Variants in PCGF5 observed in about 807,000 individuals in gnomAD.
PCGF5 encodes polycomb group RING finger protein 5.
Under a neutral mutation model 44.3 loss-of-function variants are expected in PCGF5, and 9 were observed. That is an observed-to-expected ratio of 0.20 (90% CI 0.12 to 0.35). The LOEUF is 0.35. Ranked by LOEUF, PCGF5 falls within the 10% of genes least tolerant of loss-of-function variation. The pLI is 1.00. For missense variants in PCGF5, 146 were observed against 305.3 expected, an observed-to-expected ratio of 0.48 and a Z score of 3.89; for synonymous variants, 95 against 102.5, an observed-to-expected ratio of 0.93 and a Z score of 0.44.
chr10:91,211,832 A>C (rs1037555900), intron 1 of PCGF5, among the ~76,000 whole-genome samples: 2 of 152,160 alleles, frequency 1.3e-5, no homozygotes, highest in South Asian at 2.1e-4. Context: ...TCTTGGAAAG[A>C]GTGGAGACAA....
chr10:91,250,614 A>C (rs889867968), intron 5 of PCGF5, among the ~76,000 whole-genome samples: 14 of 151,418 alleles, frequency 9.2e-5, no homozygotes, highest in Non-Finnish European at 1.8e-4. Flanking sequence ...ATGTGTATCC[A>C]ACATATAGTT....
chr10:91,197,333 A>G (rs1589363894), intron 1 of PCGF5, among the ~76,000 whole-genome samples: 2 of 152,140 alleles, frequency 1.3e-5, no homozygotes, highest in East Asian at 3.9e-4. Context: ...CCCTCTCTCT[A>G]TGTGACTGCT....
intron 6 of PCGF5, among the ~76,000 whole-genome samples, chr10:91,260,752 T>C (rs1404745995): frequency 1.4e-5 from 2 of 141,416 alleles, no homozygotes; most frequent in African/African-American, 5.3e-5. Context: ...TAGGTGGGAA[T>C]TGAACAATGA....
intron 1 of PCGF5, among the ~76,000 whole-genome samples, chr10:91,189,595 T>C (rs2133209632): frequency 1.3e-5 from 2 of 152,346 alleles, no homozygotes; most frequent in South Asian, 4.1e-4. Context: ...GATAAGATCT[T>C]TCCATATATA....
At chr10:91,180,092 T>C (rs1262035366) in intron 1 of PCGF5, among the ~76,000 whole-genome samples, 1 of 152,240 alleles carries the variant, frequency 6.6e-6, no homozygotes, top group Non-Finnish European at 1.5e-5. Context: ...ATTTCTCTAA[T>C]GATCAGTGAT....
chr10:91,182,112 G>A lies in PCGF5; in HGVS notation c.-184+19031G>A, dbSNP rs151337116. 1.6e-4 allele frequency among the ~76,000 whole-genome samples: 25 copies of A among 152,164 alleles called. No homozygotes were observed. In the East Asian group the frequency reaches 4.6e-3, roughly 28 times the overall value. On this transcript the variant is annotated intron_variant, in intron 1 of 9. Coordinates refer to the PCGF5 transcript ENST00000614189. ...TTATAATATTCGCTGATGGTTGTTT[G>A]TATTTCTGTGAGGTCAGCGGTAATG... is the stretch of plus-strand genomic sequence containing the variant.
In PCGF5 at chr10:91,280,297, TAA is replaced by T. The variant is rs916782548; in HGVS notation, c.*1982_*1983del. ...GAATTTTAATTAACTCAAAATGAATTAAGAGTGCATTTTAAAAATCACAAGTG... is the reference window on the plus strand; with the variant it reads ...GAATTTTAATTAACTCAAAATGAATTGAGTGCATTTTAAAAATCACAAGTG... On this transcript the variant is annotated 3_prime_UTR_variant, in exon 10 of 10. Coordinates refer to ENST00000336126, the MANE Select transcript of PCGF5 (RefSeq NM_032373.5). The T allele has an allele frequency of 5.3e-5, 8 of 152,048 alleles. No homozygotes were observed. Among genetic ancestry groups the T allele is most frequent in the African/African-American group, 1.4e-4 (6 of 41,444 alleles). The allele number at this position is 152,048 out of a possible 1,614,324, so 9.4% of individuals were successfully genotyped here.
intron 3 of PCGF5, among the ~76,000 whole-genome samples, chr10:91,241,042 CAT>C (rs59977249): frequency 5.4e-5 from 8 of 147,766 alleles, no homozygotes; most frequent in South Asian, 2.1e-4. Flanking sequence ...GCAGTATAAT[CAT>C]ATATATATAT....
chr10:91,181,530 TC>T (rs1227213640), intron 1 of PCGF5, among the ~76,000 whole-genome samples: 1 of 152,192 alleles, frequency 6.6e-6, no homozygotes, highest in East Asian at 1.9e-4. Flanking sequence ...TGAGGTATGT[TC>T]CTTCAATACC....
intron 7 of PCGF5, among the ~76,000 whole-genome samples, 185 bp downstream of exon 7, chr10:91,261,609 A>G (rs1317874405): frequency 2.0e-5 from 3 of 152,224 alleles, no homozygotes; most frequent in African/African-American, 7.2e-5. Context: ...CTCTAATTGA[A>G]CATATCCTGA....
intron 5 of PCGF5, among the ~76,000 whole-genome samples, chr10:91,249,531 C>T (rs1351067815): frequency 6.6e-6 from 1 of 150,990 alleles, no homozygotes; most frequent in African/African-American, 2.4e-5. Flanking sequence ...TAAAGTTATT[C>T]AAGAATGTGT....
intron 3 of PCGF5, 66 bp from the exon 4 acceptor site, chr10:91,248,439 A>G (rs375740021): frequency 9.0e-5 from 123 of 1,365,728 alleles, no homozygotes; most frequent in Non-Finnish European, 1.1e-4. Context: ...TATACATCTC[A>G]GACTATTTAC....
rs1176443876 is a variant in PCGF5, at chr10:91,282,515, C to T, written c.*4199C>T. ...AAATTCAACTCTTGGTCTTGTTTCT[C>T]AGCACTTAGTTTATTGTTATTAGAA... is the stretch of plus-strand genomic sequence containing the variant. On this transcript the variant is annotated 3_prime_UTR_variant, in exon 10 of 10. Transcript: ENST00000336126. 6.6e-6 allele frequency: 1 copy of T among 152,590 alleles called. No individual in the cohort carries two copies. The highest frequency in any genetic ancestry group is 1.5e-5 in the Non-Finnish European group (1 of 68,048). The allele number at this position is 152,590 out of a possible 1,614,324, so 9.5% of individuals were successfully genotyped here. A position where few individuals can be genotyped will look rare whatever the true frequency, so the allele number is the denominator to read the frequency against.
intron 6 of PCGF5, among the ~76,000 whole-genome samples, chr10:91,257,408 GT>G (rs1207064399): frequency 6.6e-6 from 1 of 152,120 alleles, no homozygotes; most frequent in African/African-American, 2.4e-5. Context: ...TCCTCAAAGA[GT>G]TGACGTGGTA....
intron 3 of PCGF5, among the ~76,000 whole-genome samples, chr10:91,243,442 C>CAA (rs1405540168): frequency 6.6e-6 from 1 of 152,110 alleles, no homozygotes; most frequent in East Asian, 1.9e-4. Context: ...ACACATGTAG[C>CAA]AAAAAATTTA....
At chr10:91,265,363 G>A (rs1012443102) in intron 8 of PCGF5, among the ~76,000 whole-genome samples, 1 of 152,096 alleles carries the variant, frequency 6.6e-6, no homozygotes, top group African/African-American at 2.4e-5. Flanking sequence ...TAATCTGAGT[G>A]CATAAATAAA....
intron 6 of PCGF5, among the ~76,000 whole-genome samples, chr10:91,260,932 A>C (rs1454132834): frequency 6.6e-6 from 1 of 151,838 alleles, no homozygotes; most frequent in Non-Finnish European, 1.5e-5. Flanking sequence ...CACGTTGTGC[A>C]CATGTACCCT....
intron 1 of PCGF5, among the ~76,000 whole-genome samples, chr10:91,169,363 T>G (rs958901351): frequency 2.6e-5 from 4 of 152,150 alleles, no homozygotes; most frequent in Non-Finnish European, 5.9e-5. Context: ...GACATGATTG[T>G]TTATGTAGAA....
chr10:91,269,748 CA>C lies in PCGF5; in HGVS notation c.664-1889del, dbSNP rs1703072696. Among the ~76,000 whole-genome samples, 9 of 152,260 alleles carry C rather than the reference CA, an allele frequency of 5.9e-5. No homozygotes were observed. The South Asian group carries it at 1.9e-3, about 32-fold the overall frequency. The stretch of plus-strand genomic sequence containing the variant: ...ATGAATGAGAGTGCCCATTTTCTGA[CA>C]TCCTCCCCAACACTGCATATCATCT... On this transcript the variant is annotated intron_variant, in intron 8 of 9. Coordinates refer to ENST00000336126, the MANE Select transcript of PCGF5 (RefSeq NM_032373.5).
Sources: gnomAD v4.1 joint callset for allele counts (sites outside exome capture counted in the v4.1 genomes callset) on GRCh38, gnomAD v4.1.1 for gene constraint, MANE v1.5 for transcripts, NCBI Gene and HGNC (gene_info 2026-07-23, HGNC 2026-07-21) for gene names.